Variants in OSBPL10 observed in about 807,000 individuals in gnomAD.
The protein encoded by OSBPL10 is oxysterol-binding protein-related protein 10.
In OSBPL10, 49 loss-of-function variants were observed where a neutral mutation model predicts 81.7. The ratio of observed to expected loss-of-function variants is 0.60; its 90% CI spans 0.48 to 0.76. The LOEUF is 0.76. OSBPL10 is among the 30% of genes least tolerant of loss of function. OSBPL10 has a pLI of 0.00. For missense variants in OSBPL10, 923 were observed against 987.8 expected (o/e 0.93, Z 0.88); for synonymous variants, 419 against 383.6 (o/e 1.09, Z -1.08).
intron 4 of OSBPL10, 54 bp from the exon 5 acceptor site, chr3:31,748,174 CT>C (rs1697594170): frequency 6.7e-7 from 1 of 1,503,120 alleles, no homozygotes; most frequent in Non-Finnish European, 9.1e-7. Context: ...TTTCGACAGG[CT>C]GGGGAGGCGG....
intron 4 of OSBPL10, among the ~76,000 whole-genome samples, chr3:31,807,964 C>T (rs1699564394): frequency 6.6e-6 from 1 of 152,134 alleles, no homozygotes; most frequent in African/African-American, 2.4e-5. Context: ...TTATTAATAA[C>T]TTCAACTTAT....
At chr3:32,009,506 A>G (rs962778039) in intron 2 of OSBPL10, among the ~76,000 whole-genome samples, 2 of 152,236 alleles carry the variant, frequency 1.3e-5, no homozygotes, top group African/African-American at 4.8e-5. Flanking sequence ...GAATAAATGA[A>G]ACAATGCATT....
chr3:31,750,828 C>G (rs1232129510), intron 4 of OSBPL10, among the ~76,000 whole-genome samples: 1 of 152,046 alleles, frequency 6.6e-6, no homozygotes, highest in African/African-American at 2.4e-5. Context: ...ACGGTATATA[C>G]TCATTTCTAA....
intron 6 of OSBPL10, among the ~76,000 whole-genome samples, chr3:31,728,432 A>T (rs530970136): frequency 2.0e-5 from 3 of 152,332 alleles, no homozygotes; most frequent in South Asian, 4.1e-4. Context: ...TTTACCCTCA[A>T]ATAATTAACA....
chr3:31,733,774 G>A (rs1024877296), intron 5 of OSBPL10, among the ~76,000 whole-genome samples: 1 of 149,782 alleles, frequency 6.7e-6, no homozygotes, highest in African/African-American at 2.5e-5. Flanking sequence ...AGCACTTTGG[G>A]AGGCCGAGGC....
chr3:31,791,358 A>G (rs566690840), intron 4 of OSBPL10, among the ~76,000 whole-genome samples: 2 of 152,348 alleles, frequency 1.3e-5, no homozygotes, highest in South Asian at 4.1e-4. Context: ...TGGCCACAGT[A>G]TTTAGAACGT....
At chr3:32,033,527 T>G (rs1438209096) in intron 2 of OSBPL10, among the ~76,000 whole-genome samples, 2 of 152,126 alleles carry the variant, frequency 1.3e-5, no homozygotes, top group Non-Finnish European at 2.9e-5. Flanking sequence ...ATTAGAAAAT[T>G]TATAAGAATA....
intron 4 of OSBPL10, among the ~76,000 whole-genome samples, chr3:31,799,357 C>A (rs1208135993): frequency 1.1e-5 from 1 of 93,256 alleles, no homozygotes; most frequent in African/African-American, 4.2e-5. Context: ...GACTGAGCAA[C>A]ATAGCAAGAC....
chr3:31,975,321 A>G (rs1368332879), intron 1 of OSBPL10, among the ~76,000 whole-genome samples: 1 of 152,184 alleles, frequency 6.6e-6, no homozygotes, highest in Non-Finnish European at 1.5e-5. Flanking sequence ...CGCGGACAAG[A>G]ATACAAAACC....
At chr3:32,049,957 T>G (rs1055851339) in intron 1 of OSBPL10, among the ~76,000 whole-genome samples, 1 of 152,134 alleles carries the variant, frequency 6.6e-6, no homozygotes, top group African/African-American at 2.4e-5. Context: ...CTATGAAAAC[T>G]TGTTATAGGA....
At chr3:31,975,534 A>G (rs1698671512) in intron 1 of OSBPL10, among the ~76,000 whole-genome samples, 3 of 152,224 alleles carry the variant, frequency 2.0e-5, no homozygotes, top group Admixed American at 2.0e-4. Flanking sequence ...ATAGAGTCAA[A>G]AGCAAGCCCT....
chr3:31,668,934 G>T, intron 9 of OSBPL10, 110 bp from the exon 10 acceptor site: 1 of 1,013,486 alleles, frequency 9.9e-7, no homozygotes. Flanking sequence ...ATGGGAAGGA[G>T]GGATTGTTTT....
At chr3:31,662,457 G>A in intron 11 of OSBPL10, 1 of 1,051,740 alleles carries the variant, frequency 9.5e-7, no homozygotes, top group Non-Finnish European at 1.1e-6. Context: ...AATGGCCAGG[G>A]GAAAGAAAAG....
chr3:31,720,697 G>A (rs1291489542), intron 6 of OSBPL10, among the ~76,000 whole-genome samples: 1 of 151,814 alleles, frequency 6.6e-6, no homozygotes, highest in Non-Finnish European at 1.5e-5. Context: ...TCAGGAGTTC[G>A]AGACCAGCCT....
chr3:31,851,024 A>C (rs1025128691), intron 3 of OSBPL10, among the ~76,000 whole-genome samples: 2 of 152,234 alleles, frequency 1.3e-5, no homozygotes, highest in Non-Finnish European at 2.9e-5. Flanking sequence ...TCAAAACCAG[A>C]AAATCAAAGC....
At chr3:31,722,625 C>A (rs1313469511) in intron 6 of OSBPL10, among the ~76,000 whole-genome samples, 3 of 152,020 alleles carry the variant, frequency 2.0e-5, no homozygotes, top group African/African-American at 7.3e-5. Context: ...AAGTTCACAT[C>A]CTTCAAAGGA....
intron 7 of OSBPL10, among the ~76,000 whole-genome samples, chr3:31,701,315 A>G (rs1695887369): frequency 1.3e-5 from 2 of 152,062 alleles, no homozygotes; most frequent in Non-Finnish European, 1.5e-5. Context: ...TGGCTCTGAC[A>G]TCCATATTTT....
chr3:32,073,597 A>G (rs547387824), intron 1 of OSBPL10, among the ~76,000 whole-genome samples: 3 of 152,170 alleles, frequency 2.0e-5, no homozygotes, highest in Admixed American at 2.0e-4. Context: ...ACATCCCTTC[A>G]TTTATTAGGT....
chr3:31,909,394 C>G (rs533772496), intron 1 of OSBPL10, among the ~76,000 whole-genome samples: 89 of 151,968 alleles, frequency 5.9e-4, no homozygotes, highest in African/African-American at 2.1e-3. Context: ...TCTTAAGGCA[C>G]CTGAAGATTA....
Sources: allele counts gnomAD v4.1 joint callset (sites outside exome capture counted in the v4.1 genomes callset), GRCh38; gene constraint gnomAD v4.1.1; transcripts MANE v1.5; gene names NCBI Gene and HGNC (gene_info 2026-07-23, HGNC 2026-07-21).